Variants in MYO3B observed in about 807,000 individuals in gnomAD.
MYO3B encodes the protein myosin IIIB.
MYO3B carries 156 observed loss-of-function variants against 174.6 expected under a neutral mutation model. The ratio of observed to expected loss-of-function variants is 0.89; its 90% CI spans 0.78 to 1.02. The LOEUF (loss-of-function observed/expected upper bound fraction) is 1.02, where lower values mean the gene tolerates loss of function less well. Ranked by LOEUF, MYO3B falls within the 50% of genes least tolerant of loss-of-function variation. MYO3B has a pLI of 0.00. For synonymous variants in MYO3B, 563 were observed against 569.1 expected (o/e 0.99, Z 0.15); for missense variants, 1,632 against 1,639.4 (o/e 1.00, Z 0.08).
chr2:170,467,232 G>A (rs1418174528), intron 25 of MYO3B, among the ~76,000 whole-genome samples: 1 of 152,118 alleles, frequency 6.6e-6, no homozygotes, highest in Non-Finnish European at 1.5e-5. Flanking sequence ...AAACGTAAAG[G>A]TGAGAAAACT....
intron 32 of MYO3B, among the ~76,000 whole-genome samples, chr2:170,549,641 T>G (rs1690752346): frequency 6.6e-6 from 1 of 152,212 alleles, no homozygotes; most frequent in African/African-American, 2.4e-5. Flanking sequence ...ACTTTGATCC[T>G]TAAGGTGACC....
intron 7 of MYO3B, among the ~76,000 whole-genome samples, chr2:170,301,955 G>A (rs190728754): frequency 5.5e-4 from 82 of 150,252 alleles, no homozygotes; most frequent in African/African-American, 1.8e-3. Flanking sequence ...CCAGCAGCAG[G>A]AGGCAAATTA....
At chr2:170,375,069 A>G (rs4028284) in intron 9 of MYO3B, among the ~76,000 whole-genome samples, 148,747 of 152,298 alleles carry the variant, frequency 0.98, 72,717 homozygotes, top group East Asian at 1. Flanking sequence ...ATGGGCTGAA[A>G]GTACATTGTT....
chr2:170,623,727 AT>A (rs1696141712), intron 32 of MYO3B, among the ~76,000 whole-genome samples: 1 of 152,150 alleles, frequency 6.6e-6, no homozygotes, highest in Admixed American at 6.5e-5. Flanking sequence ...TAAGTTTTTA[AT>A]CCATCTTGAA....
intron 32 of MYO3B, among the ~76,000 whole-genome samples, chr2:170,599,283 C>G (rs953925466): frequency 2.6e-5 from 4 of 152,178 alleles, no homozygotes; most frequent in Non-Finnish European, 5.9e-5. Flanking sequence ...CAGGCAGTTA[C>G]ATCAAAGGAG....
At chr2:170,274,229 G>A (rs2105376081) in intron 7 of MYO3B, among the ~76,000 whole-genome samples, 1 of 152,202 alleles carries the variant, frequency 6.6e-6, no homozygotes, top group African/African-American at 2.4e-5. Context: ...ACGTAGGTGA[G>A]ACAATAATAT....
intron 34 of MYO3B, 120 bp downstream of exon 34, chr2:170,652,274 C>A: frequency 1.3e-6 from 1 of 776,704 alleles, no homozygotes; most frequent in Non-Finnish European, 2.1e-6. Context: ...GATATTGCCA[C>A]TCTTATTGAC....
At chr2:170,556,057 G>A (rs6721124) in intron 32 of MYO3B, among the ~76,000 whole-genome samples, 18,583 of 151,934 alleles carry the variant, frequency 0.12, 2,145 homozygotes, top group African/African-American at 0.3. Flanking sequence ...TTAGCTGGGC[G>A]TAATAGCACA....
intron 32 of MYO3B, chr2:170,644,489 G>C (rs903181586): frequency 6.6e-6 from 1 of 152,174 alleles, no homozygotes; most frequent in Non-Finnish European, 1.5e-5. Flanking sequence ...GTTTCACCTT[G>C]TTGGCCACGC....
At chr2:170,529,103 G>A (rs1481081297) in intron 30 of MYO3B, among the ~76,000 whole-genome samples, 1 of 152,100 alleles carries the variant, frequency 6.6e-6, no homozygotes, top group Non-Finnish European at 1.5e-5. Context: ...TTTTTAGTAT[G>A]ATATTTTTAG....
rs1410826241 is a variant in MYO3B at position 170,386,234 on chromosome 2, GC to G, written c.1339del (p.His447ThrfsTer2). 5 of 1,613,456 alleles carry G rather than the reference GC, an allele frequency of 3.1e-6. No homozygotes were observed. Among genetic ancestry groups the G allele is most frequent in the Non-Finnish European group, 4.2e-6 (5 of 1,179,644 alleles). ...GESGSGKTESAHLIVQHLTFL... is the reference protein window; with the variant it reads ...GESGSGKTESXHLIVQHLTFL... ...GAGTGGCTCTGGGAAGACAGAAAGC[GC>G]CCACCTGATTGTTCAGCATTTGACT... is the stretch of plus-strand genomic sequence containing the variant. On this transcript the variant is annotated frameshift_variant, in exon 13 of 35. Coordinates refer to ENST00000408978, the MANE Select transcript of MYO3B (RefSeq NM_138995.5). LOFTEE classifies it high-confidence loss of function.
At chr2:170,610,356 T>G (rs1029347936) in intron 32 of MYO3B, among the ~76,000 whole-genome samples, 2 of 145,674 alleles carry the variant, frequency 1.4e-5, no homozygotes, top group Non-Finnish European at 3.0e-5. Context: ...AAAAAAAAAT[T>G]TTATTTCTAG....
At chr2:170,193,432 G>C (rs2092563792) in intron 1 of MYO3B, among the ~76,000 whole-genome samples, 1 of 151,796 alleles carries the variant, frequency 6.6e-6, no homozygotes, top group African/African-American at 2.4e-5. Flanking sequence ...CTGAGTTATA[G>C]ACTCTTGAAC....
chr2:170,492,097 AG>A (rs1686527578), intron 25 of MYO3B, among the ~76,000 whole-genome samples: 1 of 151,990 alleles, frequency 6.6e-6, no homozygotes, highest in Non-Finnish European at 1.5e-5. Flanking sequence ...GTAGAACCAG[AG>A]CTGTGTTAAT....
chr2:170,465,404 T>C (rs1396398169), intron 24 of MYO3B, among the ~76,000 whole-genome samples: 1 of 152,094 alleles, frequency 6.6e-6, no homozygotes, highest in Non-Finnish European at 1.5e-5. Context: ...GAGTAAGAAT[T>C]CACTCATTGC....
intron 23 of MYO3B, among the ~76,000 whole-genome samples, chr2:170,445,350 T>A (rs951993484): frequency 2.0e-5 from 3 of 151,946 alleles, no homozygotes; most frequent in African/African-American, 7.3e-5. Flanking sequence ...ATTTTTTTTT[T>A]TTATTTTTGA....
At chr2:170,635,225 A>G (rs1023333128) in intron 32 of MYO3B, among the ~76,000 whole-genome samples, 1 of 152,242 alleles carries the variant, frequency 6.6e-6, no homozygotes, top group East Asian at 1.9e-4. Flanking sequence ...ATGTCCAACA[A>G]TGATAGACTG....
chr2:170,241,497 C>T (rs968883096), intron 7 of MYO3B, among the ~76,000 whole-genome samples: 1 of 152,236 alleles, frequency 6.6e-6, no homozygotes, highest in African/African-American at 2.4e-5. Flanking sequence ...TTCGTCCAGA[C>T]TCAGGCTTGG....
intron 32 of MYO3B, among the ~76,000 whole-genome samples, chr2:170,557,961 C>T (rs1691440750): frequency 6.6e-6 from 1 of 151,960 alleles, no homozygotes; most frequent in African/African-American, 2.4e-5. Flanking sequence ...TTTGGTTTTG[C>T]CTTTTAAAAA....
Sources: gnomAD v4.1 joint callset for allele counts (sites outside exome capture counted in the v4.1 genomes callset) on GRCh38, gnomAD v4.1.1 for gene constraint, MANE v1.5 for transcripts, NCBI Gene and HGNC (gene_info 2026-07-23, HGNC 2026-07-21) for gene names.